The following GAS2 variants were observed in gnomAD, a reference collection of about 807,000 sequenced individuals.
GAS2 encodes the protein growth arrest-specific protein 2.
In GAS2, 20 loss-of-function variants were observed where a neutral mutation model predicts 37.5. The observed-to-expected ratio is 0.53, with a 90% CI of 0.37 to 0.77. The LOEUF (loss-of-function observed/expected upper bound fraction) is 0.77, where lower values mean the gene tolerates loss of function less well. Among genes scored for constraint, GAS2 ranks in the 30% least tolerant of loss-of-function variants. The pLI, the probability that GAS2 is intolerant of heterozygous loss-of-function variation, is 0.00. For missense variants in GAS2, 336 were observed against 373.4 expected (o/e 0.90, Z 0.82); for synonymous variants, 144 against 132.2 (o/e 1.09, Z -0.61).
intron 1 of GAS2, among the ~76,000 whole-genome samples, chr11:22,641,272 T>TTA (rs1202650987): frequency 7.1e-6 from 1 of 140,226 alleles, no homozygotes; most frequent in Admixed American, 7.5e-5. Flanking sequence ...ATATATATCT[T>TTA]TATATATATC....
At chr11:22,656,663 A>G (rs1368934452) in intron 1 of GAS2, among the ~76,000 whole-genome samples, 1 of 152,188 alleles carries the variant, frequency 6.6e-6, no homozygotes, top group African/African-American at 2.4e-5. Flanking sequence ...TTATTAATAA[A>G]CTATAAGATG....
rs71037523 is a variant in GAS2, at chr11:22,716,643, C to CAA, written c.268-9636_268-9635dup. The stretch of plus-strand genomic sequence containing the variant: ...TAACACACACAGTAAGTCTCTGTCT[C>CAA]AAAAAAAAAAAAAAGAAAAAAAGAA... On this transcript the variant is annotated intron_variant, in intron 3 of 7. Transcript: ENST00000454584. 2.6e-3 allele frequency among the ~76,000 whole-genome samples: 350 copies of CAA among 132,566 alleles called. 3 individuals carry two copies. Among genetic ancestry groups the CAA allele is most frequent in the African/African-American group, 9.4e-3 (339 of 36,060 alleles). The allele number at this position is 132,566 out of a possible 152,430, so 87.0% of individuals were successfully genotyped here.
chr11:22,714,790 T>C (rs1212067844), intron 3 of GAS2, among the ~76,000 whole-genome samples: 3 of 152,090 alleles, frequency 2.0e-5, no homozygotes, highest in African/African-American at 7.2e-5. Flanking sequence ...GAAATCAAGA[T>C]GAAAATTAAA....
intron 2 of GAS2, among the ~76,000 whole-genome samples, chr11:22,682,888 G>GAAAAAA (rs57025584): frequency 2.0e-5 from 2 of 102,354 alleles, no homozygotes; most frequent in South Asian, 3.0e-4. Flanking sequence ...AAAAAAAAAG[G>GAAAAAA]AAAAAAAAAA....
At chr11:22,670,359 A>G (rs916011794) in intron 1 of GAS2, among the ~76,000 whole-genome samples, 1 of 151,342 alleles carries the variant, frequency 6.6e-6, no homozygotes, top group African/African-American at 2.4e-5. Context: ...TGAGAGGTAT[A>G]TAGCATTTCC....
At chr11:22,726,049 A>T (rs756021059) in intron 3 of GAS2, among the ~76,000 whole-genome samples, 20 of 152,102 alleles carry the variant, frequency 1.3e-4, no homozygotes, top group Non-Finnish European at 2.9e-4. Context: ...GAGCCAAGAA[A>T]AGTACTTAAC....
At position 22,812,428 on chromosome 11, in the gene GAS2, C is replaced by CTTTT. The variant is rs35549681; in HGVS notation, c.*427_*430dup. The CTTTT allele has an allele frequency of 0.027, 3,753 of 136,816 alleles. 120 individuals carry two copies. Among genetic ancestry groups the CTTTT allele is most frequent in the African/African-American group, 0.056 (2,022 of 36,372 alleles). 8.5% of individuals were successfully genotyped at this position (136,816 alleles called of 1,614,324 possible). A position where few individuals can be genotyped will look rare whatever the true frequency, so the allele number is the denominator to read the frequency against. On this transcript the variant is annotated 3_prime_UTR_variant, in exon 8 of 8. Coordinates refer to ENST00000454584, the MANE Select transcript of GAS2 (RefSeq NM_001143830.3). ...TTTTTATAATTGCAAGATTTTTATG[C>CTTTT]TTTTTTTTTTTTTTTTTTACAAAAT...
intron 5 of GAS2, among the ~76,000 whole-genome samples, chr11:22,742,698 A>G (rs980365308): frequency 2.0e-4 from 31 of 152,126 alleles, no homozygotes; most frequent in African/African-American, 6.5e-4. Flanking sequence ...AAGGTTTTCC[A>G]TGTGTGACTT....
chr11:22,641,929 C>A (rs554093363), intron 1 of GAS2, among the ~76,000 whole-genome samples: 1 of 152,022 alleles, frequency 6.6e-6, no homozygotes, highest in East Asian at 1.9e-4. Context: ...TATGACAGAA[C>A]AATGTGAAGT....
At chr11:22,652,497 A>G (rs1590573782) in intron 1 of GAS2, among the ~76,000 whole-genome samples, 1 of 152,344 alleles carries the variant, frequency 6.6e-6, no homozygotes, top group Non-Finnish European at 1.5e-5. Context: ...AGCCTGGGCA[A>G]TGGCGGGCGC....
At chr11:22,699,208 A>G (rs1477546835) in intron 3 of GAS2, among the ~76,000 whole-genome samples, 3 of 152,172 alleles carry the variant, frequency 2.0e-5, no homozygotes, top group Non-Finnish European at 4.4e-5. Context: ...TTTTTGGAAA[A>G]GATGAATTTA....
intron 1 of GAS2, among the ~76,000 whole-genome samples, chr11:22,649,551 C>A (rs1302141874): frequency 1.2e-4 from 18 of 152,194 alleles, no homozygotes; most frequent in African/African-American, 4.3e-4. Context: ...TGGTCCTGGA[C>A]TCTTTTTGGT....
chr11:22,791,771 A>G (rs1319087784), intron 7 of GAS2, among the ~76,000 whole-genome samples: 1 of 152,206 alleles, frequency 6.6e-6, no homozygotes, highest in Non-Finnish European at 1.5e-5. Context: ...TACTATAGAT[A>G]AGGCGATGAC....
chr11:22,694,773 G>C (rs1289852007), intron 3 of GAS2, among the ~76,000 whole-genome samples: 2 of 152,072 alleles, frequency 1.3e-5, no homozygotes, highest in Admixed American at 1.3e-4. Context: ...TAATTTTGCT[G>C]AATCTAAAAT....
chr11:22,635,483 T>C (rs1858809330), intron 1 of GAS2, among the ~76,000 whole-genome samples: 1 of 152,190 alleles, frequency 6.6e-6, no homozygotes, highest in African/African-American at 2.4e-5. Context: ...CTAAGTGGGT[T>C]CCAGATAGCC....
chr11:22,772,729 T>C (rs921418889), intron 7 of GAS2, among the ~76,000 whole-genome samples: 1 of 152,146 alleles, frequency 6.6e-6, no homozygotes, highest in Non-Finnish European at 1.5e-5. Context: ...TTCCCAGAGA[T>C]GAGTAGAAGG....
At chr11:22,752,342 A>G (rs536554491) in intron 6 of GAS2, among the ~76,000 whole-genome samples, 1 of 152,026 alleles carries the variant, frequency 6.6e-6, no homozygotes, top group African/African-American at 2.4e-5. Flanking sequence ...ATTCTGTTTG[A>G]TAGGTTTTTT....
At chr11:22,785,074 A>G (rs1855758041) in intron 7 of GAS2, among the ~76,000 whole-genome samples, 1 of 152,152 alleles carries the variant, frequency 6.6e-6, no homozygotes, top group South Asian at 2.1e-4. Context: ...TTCCAAATGT[A>G]GAGATTCTGA....
At chr11:22,749,668 A>G (rs1853623176) in intron 6 of GAS2, among the ~76,000 whole-genome samples, 1 of 152,028 alleles carries the variant, frequency 6.6e-6, no homozygotes. Context: ...ATGGACTACC[A>G]TTGTTTTTCA....
Sources: gnomAD v4.1 joint callset for allele counts (sites outside exome capture counted in the v4.1 genomes callset) on GRCh38, gnomAD v4.1.1 for gene constraint, MANE v1.5 for transcripts, NCBI Gene and HGNC (gene_info 2026-07-23, HGNC 2026-07-21) for gene names.